The following FAM216A variants were observed in gnomAD, a reference collection of about 807,000 sequenced individuals.
FAM216A encodes protein FAM216A.
Under a neutral mutation model 37.6 loss-of-function variants are expected in FAM216A, and 26 were observed. The ratio of observed to expected loss-of-function variants is 0.69; its 90% CI spans 0.51 to 0.96. The LOEUF (loss-of-function observed/expected upper bound fraction) is 0.96, where lower values mean the gene tolerates loss of function less well. FAM216A is among the 40% of genes least tolerant of loss of function. The pLI is 0.00. For synonymous variants in FAM216A, 110 were observed against 121.7 expected (o/e 0.90, Z 0.64); for missense variants, 326 against 339.3 (o/e 0.96, Z 0.31).
At chr12:110,481,861 TG>T in intron 2 of FAM216A, among the ~76,000 whole-genome samples, 1 of 152,278 alleles carries the variant, frequency 6.6e-6, no homozygotes. Context: ...AATCTTAAAT[TG>T]GCATTCATAT....
intron 6 of FAM216A, among the ~76,000 whole-genome samples, chr12:110,489,807 A>G (rs1290843557): frequency 6.6e-6 from 1 of 152,208 alleles, no homozygotes; most frequent in African/African-American, 2.4e-5. Context: ...TAGTAACAAG[A>G]GAATTTGCTG....
intron 2 of FAM216A, among the ~76,000 whole-genome samples, chr12:110,476,953 C>T (rs183629457): frequency 2.4e-3 from 373 of 152,284 alleles, no homozygotes; most frequent in Non-Finnish European, 4.1e-3. Flanking sequence ...ACCTCCTGGG[C>T]TCAGGTGATC....
intron 2 of FAM216A, among the ~76,000 whole-genome samples, 175 bp from the exon 3 acceptor site, chr12:110,484,903 T>C (rs2062768278): frequency 6.6e-6 from 1 of 152,108 alleles, no homozygotes; most frequent in African/African-American, 2.4e-5. Flanking sequence ...GGTTTCACCG[T>C]GTTAGCCAGG....
chr12:110,484,755 TC>T (rs1319752283), intron 2 of FAM216A, among the ~76,000 whole-genome samples: 2 of 151,616 alleles, frequency 1.3e-5, no homozygotes, highest in East Asian at 1.9e-4. Context: ...AATATCTAGA[TC>T]TTTTTTTTTT....
intron 2 of FAM216A, among the ~76,000 whole-genome samples, chr12:110,473,321 C>T (rs922039609): frequency 6.6e-6 from 1 of 151,982 alleles, no homozygotes; most frequent in African/African-American, 2.4e-5. Context: ...AAGCGATTCT[C>T]CTGCCTCAGC....
At chr12:110,478,062 A>G (rs1372304773) in intron 2 of FAM216A, among the ~76,000 whole-genome samples, 1 of 152,194 alleles carries the variant, frequency 6.6e-6, no homozygotes, top group Non-Finnish European at 1.5e-5. Flanking sequence ...TGGCTTTCTA[A>G]TGAAGAGCTT....
intron 3 of FAM216A, 92 bp downstream of exon 3, chr12:110,485,291 C>T: frequency 8.9e-7 from 1 of 1,129,600 alleles, no homozygotes; most frequent in Non-Finnish European, 1.3e-6. Context: ...GGGTGAGATA[C>T]TGCAGATGAC....
intron 2 of FAM216A, among the ~76,000 whole-genome samples, chr12:110,484,195 G>A (rs1426379320): frequency 1.3e-5 from 2 of 152,060 alleles, no homozygotes; most frequent in African/African-American, 2.4e-5. Context: ...TTGGGAGGCT[G>A]AGGCGGAGGA....
At chr12:110,483,201 G>A (rs2062758025) in intron 2 of FAM216A, among the ~76,000 whole-genome samples, 1 of 152,000 alleles carries the variant, frequency 6.6e-6, no homozygotes. Context: ...GCGGGCACCT[G>A]TAGTCCCAGC....
chr12:110,482,794 CAAA>C (rs547165958), intron 2 of FAM216A, among the ~76,000 whole-genome samples: 3 of 93,892 alleles, frequency 3.2e-5, no homozygotes, highest in Non-Finnish European at 4.5e-5. Flanking sequence ...GACTCCATCT[CAAA>C]AAAAAAAAAA....
chr12:110,472,949 C>A (rs1428740295), intron 1 of FAM216A, 129 bp from the exon 2 acceptor site: 3 of 349,224 alleles, frequency 8.6e-6, no homozygotes, highest in Non-Finnish European at 1.5e-5. Flanking sequence ...GCACTCCAGC[C>A]TGGGTGACAA....
chr12:110,478,281 A>T (rs1370889846), intron 2 of FAM216A, among the ~76,000 whole-genome samples: 1 of 152,100 alleles, frequency 6.6e-6, no homozygotes, highest in Non-Finnish European at 1.5e-5. Flanking sequence ...ATCTTTTAGC[A>T]CAAAACGTTG....
chr12:110,479,121 G>C (rs1352181389), intron 2 of FAM216A, among the ~76,000 whole-genome samples: 4 of 151,438 alleles, frequency 2.6e-5, no homozygotes, highest in African/African-American at 9.7e-5. Context: ...CCTGGGAGGC[G>C]GAGCTTGCAG....
intron 5 of FAM216A, 65 bp downstream of exon 5, chr12:110,486,782 G>A (rs970639315): frequency 4.0e-5 from 57 of 1,428,412 alleles, no homozygotes; most frequent in Non-Finnish European, 5.3e-5. Flanking sequence ...TCTCAGACAG[G>A]GTTTTGTTCT....
chr12:110,490,182 G>T lies in FAM216A; in HGVS notation c.*45G>T. ...GAATTCGTGCCAAAGGTGAGGGTAAGGGGTTGTGAGTTGTGTCCTGTATGT... is the reference window on the plus strand; with the variant it reads ...GAATTCGTGCCAAAGGTGAGGGTAATGGGTTGTGAGTTGTGTCCTGTATGT... On this transcript the variant is annotated 3_prime_UTR_variant, in exon 7 of 7. Transcript: ENST00000377673. 1 of 924,392 alleles carries T rather than the reference G, an allele frequency of 1.1e-6. No individual in the cohort carries two copies. The highest frequency in any genetic ancestry group is 1.3e-5 in the South Asian group (1 of 76,986). The allele number at this position is 924,392 out of a possible 1,614,324, so 57.3% of individuals were successfully genotyped here.
chr12:110,472,989 A>G, intron 1 of FAM216A, 89 bp from the exon 2 acceptor site: 1 of 582,970 alleles, frequency 1.7e-6, no homozygotes, highest in Non-Finnish European at 2.8e-6. Flanking sequence ...AAAAAAAAAA[A>G]AAAAAAAAAA....
At position 110,473,016 on chromosome 12, in the gene FAM216A, T is replaced by A; in HGVS notation, c.144-62T>A. On this transcript the variant is annotated intron_variant, in intron 1 of 6. Transcript: ENST00000377673. ...AAAAAAAAAAAAAATTGAAATATGT[T>A]GTTCAGTGCTTGTAACATTGTAATT... The A allele has an allele frequency of 4.1e-6, 3 of 727,978 alleles. No individual in the cohort carries two copies. In the South Asian group the frequency reaches 6.4e-5, roughly 16 times the overall value. 45.1% of individuals were successfully genotyped at this position (727,978 alleles called of 1,614,324 possible). A position where few individuals can be genotyped will look rare whatever the true frequency, so the allele number is the denominator to read the frequency against.
intron 1 of FAM216A, among the ~76,000 whole-genome samples, chr12:110,470,103 GTT>G (rs776038983): frequency 2.1e-5 from 3 of 140,666 alleles, no homozygotes. Context: ...CATCCTTTTT[GTT>G]TTTTTTTTTT....
At chr12:110,486,045 A>C (rs1337968297) in intron 3 of FAM216A, among the ~76,000 whole-genome samples, 1 of 152,232 alleles carries the variant, frequency 6.6e-6, no homozygotes, top group African/African-American at 2.4e-5. Context: ...AGCAAGTAAC[A>C]CTTGACAGAA....
Sources: allele counts gnomAD v4.1 joint callset (sites outside exome capture counted in the v4.1 genomes callset), GRCh38; gene constraint gnomAD v4.1.1; transcripts MANE v1.5; gene names NCBI Gene and HGNC (gene_info 2026-07-23, HGNC 2026-07-21).